Variants in MAGI1 observed in about 807,000 individuals in gnomAD.
The protein encoded by MAGI1 is membrane associated guanylate kinase, WW and PDZ domain containing 1.
MAGI1 carries 58 observed loss-of-function variants against 139.9 expected under a neutral mutation model. The observed-to-expected ratio is 0.41, with a 90% CI of 0.34 to 0.52. MAGI1 has a LOEUF of 0.52. Among genes scored for constraint, MAGI1 ranks in the 20% least tolerant of loss-of-function variants. The pLI, the probability that MAGI1 is intolerant of heterozygous loss-of-function variation, is 0.12. For missense variants in MAGI1, 1,874 were observed against 1,901.6 expected (o/e 0.99, Z 0.27); for synonymous variants, 812 against 737.9 (o/e 1.10, Z -1.63).
chr3:65,708,594 G>T (rs1446645033), intron 1 of MAGI1, among the ~76,000 whole-genome samples: 1 of 152,018 alleles, frequency 6.6e-6, no homozygotes, highest in African/African-American at 2.4e-5. Context: ...ATCGGTCATT[G>T]GTGGTGGGGA....
At chr3:65,672,442 T>C (rs904257939) in intron 1 of MAGI1, among the ~76,000 whole-genome samples, 1 of 152,228 alleles carries the variant, frequency 6.6e-6, no homozygotes, top group African/African-American at 2.4e-5. Flanking sequence ...TACTAATTTA[T>C]AGATATATCA....
chr3:65,490,931 G>A (rs1442294903), intron 3 of MAGI1, among the ~76,000 whole-genome samples: 1 of 150,654 alleles, frequency 6.6e-6, no homozygotes, highest in Non-Finnish European at 1.5e-5. Context: ...AAAGGCTGAA[G>A]AACGCTGTAC....
intron 1 of MAGI1, among the ~76,000 whole-genome samples, chr3:65,848,591 T>A (rs1008361279): frequency 6.6e-5 from 10 of 152,234 alleles, no homozygotes; most frequent in South Asian, 2.1e-4. Flanking sequence ...TTTTTTTTTT[T>A]TTATTTTCTT....
intron 1 of MAGI1, among the ~76,000 whole-genome samples, chr3:65,711,608 G>A (rs75453336): frequency 0.015 from 2,225 of 152,246 alleles, 55 homozygotes; most frequent in African/African-American, 0.05. Context: ...CTTTAAAGAG[G>A]TTATTAAGGC....
rs765463916 is a variant in MAGI1 at position 65,442,826 on chromosome 3, T to C, written c.1102A>G (p.Ile368Val). ...ELELPAGWEK[I>V]EDPVYGIYYV... is the part of the protein sequence containing the mutation. The stretch of plus-strand genomic sequence containing the variant: ...TAGATACCATAGACAGGGTCTTCAA[T>C]CTTTTCCCAACCAGCAGGCAGTTCT... The change falls in exon 8 of 23, where the codon ATT becomes GTT. Residue 368 changes from isoleucine to valine, a missense_variant. This residue lies in a region of MAGI1 where 648 missense variants were observed against 598.1 expected (regional missense o/e 1.08). Coordinates refer to ENST00000402939, the MANE Select transcript of MAGI1 (RefSeq NM_001033057.2). The C allele has an allele frequency of 6.2e-6, 10 of 1,613,228 alleles. No individual in the cohort carries two copies. Among genetic ancestry groups the C allele is most frequent in the East Asian group, 2.2e-5 (1 of 44,786 alleles).
intron 1 of MAGI1, among the ~76,000 whole-genome samples, chr3:65,997,816 A>T (rs2066531645): frequency 6.6e-6 from 1 of 152,068 alleles, no homozygotes; most frequent in East Asian, 1.9e-4. Context: ...CCTAAGACCC[A>T]TGAGAGCAAG....
intron 14 of MAGI1, among the ~76,000 whole-genome samples, chr3:65,386,247 GAAA>G (rs4016249): frequency 0.14 from 20,747 of 145,784 alleles, 1,796 homozygotes; most frequent in East Asian, 0.32. Flanking sequence ...AGGCCACATG[GAAA>G]AAAAAAAAAA....
chr3:65,787,821 C>T (rs9878568), intron 1 of MAGI1, among the ~76,000 whole-genome samples: 38,624 of 151,786 alleles, frequency 0.25, 5,137 homozygotes, highest in Non-Finnish European at 0.31. Flanking sequence ...GCATATTTCT[C>T]AGAAAATAAT....
At chr3:65,384,915 G>C (rs950897061) in intron 14 of MAGI1, among the ~76,000 whole-genome samples, 1 of 151,982 alleles carries the variant, frequency 6.6e-6, no homozygotes, top group African/African-American at 2.4e-5. Context: ...CAGACACTGA[G>C]GGGTGACTGT....
At chr3:65,384,780 GGTGTGTGT>G (rs3072935) in intron 14 of MAGI1, among the ~76,000 whole-genome samples, 23 of 147,932 alleles carry the variant, frequency 1.6e-4, no homozygotes, top group East Asian at 6.0e-4. Flanking sequence ...TATAGGAAGG[GGTGTGTGT>G]GTGTGTGTGT....
intron 1 of MAGI1, among the ~76,000 whole-genome samples, chr3:65,898,385 T>C (rs944162560): frequency 2.0e-5 from 3 of 152,162 alleles, no homozygotes; most frequent in Admixed American, 6.5e-5. Flanking sequence ...GAGTTTAGTG[T>C]GGCATCATAA....
At chr3:65,420,428 G>A (rs1005169274) in intron 12 of MAGI1, among the ~76,000 whole-genome samples, 3 of 151,952 alleles carry the variant, frequency 2.0e-5, no homozygotes, top group Non-Finnish European at 4.4e-5. Flanking sequence ...TACCTGCTCT[G>A]ATTTGCTTCA....
At chr3:65,586,806 C>G (rs559795775) in intron 2 of MAGI1, among the ~76,000 whole-genome samples, 119 of 151,626 alleles carry the variant, frequency 7.8e-4, no homozygotes, top group African/African-American at 2.8e-3. Context: ...AGTTGGCAAG[C>G]AGAACAGTTC....
At chr3:65,443,683 T>A (rs567564829) in intron 7 of MAGI1, among the ~76,000 whole-genome samples, 1 of 152,068 alleles carries the variant, frequency 6.6e-6, no homozygotes, top group East Asian at 1.9e-4. Flanking sequence ...AGGTTGTGGG[T>A]TTTTTTTGTC....
At chr3:65,557,510 CTG>C (rs1348704749) in intron 2 of MAGI1, among the ~76,000 whole-genome samples, 1 of 152,204 alleles carries the variant, frequency 6.6e-6, no homozygotes, top group African/African-American at 2.4e-5. Flanking sequence ...CCCTCAGAAA[CTG>C]TGTGAGATCA....
chr3:65,825,965 C>T (rs866195004), intron 1 of MAGI1, among the ~76,000 whole-genome samples: 4 of 151,936 alleles, frequency 2.6e-5, no homozygotes, highest in East Asian at 1.9e-4. Context: ...CCAGCCTGGG[C>T]GACAGAGCAA....
At chr3:65,889,412 A>C (rs1169525436) in intron 1 of MAGI1, among the ~76,000 whole-genome samples, 1 of 152,142 alleles carries the variant, frequency 6.6e-6, no homozygotes, top group Non-Finnish European at 1.5e-5. Context: ...TTAGCGACAC[A>C]CTCAACATTT....
chr3:65,716,550 T>C lies in MAGI1; in HGVS notation c.314-94462A>G, dbSNP rs541317804. Among the ~76,000 whole-genome samples the C allele has an allele frequency of 2.6e-5, 4 of 152,302 alleles. No homozygotes were observed. In the East Asian group the frequency reaches 5.8e-4, roughly 22 times the overall value. On this transcript the variant is annotated intron_variant, in intron 1 of 22. Coordinates refer to ENST00000402939, the MANE Select transcript of MAGI1 (RefSeq NM_001033057.2). The stretch of plus-strand genomic sequence containing the variant: ...ACAGTGGGGAACAGCAATTCCTTTC[T>C]TGCTACCTGACTCTGAAATTCCCAG...
intron 1 of MAGI1, among the ~76,000 whole-genome samples, chr3:65,973,490 A>G (rs12152471): frequency 0.13 from 20,312 of 152,180 alleles, 1,619 homozygotes; most frequent in East Asian, 0.26. Context: ...CTCTGTGTAC[A>G]CACAGGAGAT....
Sources: gnomAD v4.1 joint callset for allele counts (sites outside exome capture counted in the v4.1 genomes callset) on GRCh38, gnomAD v4.1.1 for gene constraint, gnomAD v4.1.1 regional missense constraint, MANE v1.5 for transcripts, NCBI Gene and HGNC (gene_info 2026-07-23, HGNC 2026-07-21) for gene names.